The following PARP8 variants were observed in gnomAD, a reference collection of about 807,000 sequenced individuals.
PARP8 encodes the protein poly(ADP-ribose) polymerase family member 8.
PARP8 carries 51 observed loss-of-function variants against 124.1 expected under a neutral mutation model. That is an observed-to-expected ratio of 0.41 (90% CI 0.33 to 0.52). The LOEUF (loss-of-function observed/expected upper bound fraction) is 0.52, where lower values mean the gene tolerates loss of function less well. Among genes scored for constraint, PARP8 ranks in the 20% least tolerant of loss-of-function variants. The pLI is 0.21. For missense variants in PARP8, 860 were observed against 1,018.9 expected (o/e 0.84, Z 2.12); for synonymous variants, 391 against 361.5 (o/e 1.08, Z -0.93).
rs542757790 is a variant in PARP8, at chr5:50,823,525, A to G, written c.1860+1125A>G. 3.3e-5 allele frequency among the ~76,000 whole-genome samples: 5 copies of G among 152,314 alleles called. No individual in the cohort carries two copies. The South Asian group carries it at 1.0e-3, about 32-fold the overall frequency. On this transcript the variant is annotated intron_variant, in intron 17 of 25. Coordinates refer to ENST00000281631, the MANE Select transcript of PARP8 (RefSeq NM_024615.4). ...CTGTATTATCTGAATTCTTTCTCAG[A>G]CAAGCACTCCTTATTTGTATAGGGA...
At chr5:50,795,531 G>GT (rs1006321710) in intron 12 of PARP8, 114 bp downstream of exon 12, 5 of 842,958 alleles carry the variant, frequency 5.9e-6, no homozygotes, top group East Asian at 5.9e-5. Flanking sequence ...TTAATTTACT[G>GT]TTTTTTTAAA....
intron 2 of PARP8, among the ~76,000 whole-genome samples, chr5:50,714,302 G>A (rs1005295989): frequency 1.3e-4 from 20 of 151,876 alleles, no homozygotes; most frequent in African/African-American, 4.6e-4. Flanking sequence ...CTAGGAAGAA[G>A]GGATAGGAAA....
At chr5:50,787,350 C>T (rs891988614) in intron 9 of PARP8, among the ~76,000 whole-genome samples, 1 of 152,078 alleles carries the variant, frequency 6.6e-6, no homozygotes. Flanking sequence ...GTTCAGTCCT[C>T]TCCCTACACT....
intron 25 of PARP8, among the ~76,000 whole-genome samples, chr5:50,838,128 A>C (rs1050450639): frequency 2.0e-5 from 3 of 152,128 alleles, no homozygotes; most frequent in Non-Finnish European, 4.4e-5. Flanking sequence ...TAATACCTCA[A>C]AATCAATATA....
At chr5:50,792,156 A>T (rs1339717687) in intron 10 of PARP8, among the ~76,000 whole-genome samples, 3 of 152,106 alleles carry the variant, frequency 2.0e-5, no homozygotes, top group Non-Finnish European at 4.4e-5. Flanking sequence ...CCCTACCATC[A>T]GCCAATCACT....
chr5:50,770,623 AGG>A (rs1561355114), intron 7 of PARP8, among the ~76,000 whole-genome samples: 46 of 151,640 alleles, frequency 3.0e-4, no homozygotes, highest in South Asian at 2.1e-3. Context: ...GAAGGAAGGA[AGG>A]AGGGAGGGAG....
intron 2 of PARP8, among the ~76,000 whole-genome samples, chr5:50,702,092 A>G (rs866957782): frequency 6.6e-6 from 1 of 152,090 alleles, no homozygotes; most frequent in Non-Finnish European, 1.5e-5. Flanking sequence ...ATGTATTCCT[A>G]TTTACTTGTA....
At chr5:50,743,580 T>A (rs1287529582) in intron 2 of PARP8, among the ~76,000 whole-genome samples, 1 of 151,968 alleles carries the variant, frequency 6.6e-6, no homozygotes, top group Non-Finnish European at 1.5e-5. Flanking sequence ...CTCCAGTGTG[T>A]CTGGGGGTGA....
intron 2 of PARP8, among the ~76,000 whole-genome samples, chr5:50,701,969 T>A (rs1325708056): frequency 2.0e-5 from 3 of 152,186 alleles, no homozygotes; most frequent in African/African-American, 7.2e-5. Context: ...GGAGTTATAA[T>A]CATTTTAGCT....
At chr5:50,669,083 G>T (rs1325267084) in intron 2 of PARP8, 1 of 152,138 alleles carries the variant, frequency 6.6e-6, no homozygotes, top group Non-Finnish European at 1.5e-5. Flanking sequence ...TTAAAAACAC[G>T]TAGGATCTGT....
At chr5:50,741,021 G>A (rs6866312) in intron 2 of PARP8, among the ~76,000 whole-genome samples, 117 of 152,062 alleles carry the variant, frequency 7.7e-4, no homozygotes, top group African/African-American at 2.5e-3. Context: ...TAGTTTTTCC[G>A]TCTTGGTATG....
At chr5:50,681,373 G>A (rs539068746) in intron 2 of PARP8, among the ~76,000 whole-genome samples, 2 of 152,114 alleles carry the variant, frequency 1.3e-5, no homozygotes, top group South Asian at 4.2e-4. Flanking sequence ...ATCCATTCTG[G>A]AAGGTTCCTT....
At chr5:50,676,933 AG>A (rs1419950778) in intron 2 of PARP8, among the ~76,000 whole-genome samples, 1 of 152,212 alleles carries the variant, frequency 6.6e-6, no homozygotes, top group Non-Finnish European at 1.5e-5. Flanking sequence ...TGAAGAGTGA[AG>A]TCCCTGCTTT....
In PARP8 at chr5:50,679,964, CTT is replaced by C. The variant is rs553773864; in HGVS notation, c.146+11841_146+11842del. ...GTCAAATTGTCCTAAGGAAATCTCT[CTT>C]TGTCTCCATGTAAAACATATAGAGA... On this transcript the variant is annotated intron_variant, in intron 2 of 25. Coordinates refer to ENST00000281631, the MANE Select transcript of PARP8 (RefSeq NM_024615.4). 5.8e-3 allele frequency among the ~76,000 whole-genome samples: 887 copies of C among 152,290 alleles called. 8 individuals are homozygous for C. Among genetic ancestry groups the C allele is most frequent in the Admixed American group, 9.6e-3 (147 of 15,290 alleles).
chr5:50,682,005 C>G (rs1751348061), intron 2 of PARP8, among the ~76,000 whole-genome samples: 1 of 152,008 alleles, frequency 6.6e-6, no homozygotes, highest in Non-Finnish European at 1.5e-5. Context: ...GGTTTAAAAC[C>G]TTTTTGTTTG....
At chr5:50,692,052 T>A (rs1196608473) in intron 2 of PARP8, among the ~76,000 whole-genome samples, 1 of 152,186 alleles carries the variant, frequency 6.6e-6, no homozygotes, top group Non-Finnish European at 1.5e-5. Context: ...AAAAGCCTTT[T>A]CCAGATTAGT....
At chr5:50,700,597 C>T (rs563028330) in intron 2 of PARP8, among the ~76,000 whole-genome samples, 4 of 152,148 alleles carry the variant, frequency 2.6e-5, no homozygotes, top group Non-Finnish European at 5.9e-5. Flanking sequence ...AGGAAATAAA[C>T]ATACTGTGAT....
At position 50,832,837 on chromosome 5, in the gene PARP8, A is replaced by G; in HGVS notation, c.2290A>G (p.Ser764Gly). ...AKDEPASSSK[S>G]SNTSQSQKKG... Reference sequence around the variant, plus strand: ...GGACGAGCCAGCTTCAAGCAGTAAAAGCAGCAATACATCACAGGTGTTGTA... The same window carrying G: ...GGACGAGCCAGCTTCAAGCAGTAAAGGCAGCAATACATCACAGGTGTTGTA... Residue 764 changes from serine (S) to glycine (G), a missense_variant, in exon 23 of 26, where the codon AGC becomes GGC. Physicochemically the swap from Ser to Gly is moderately conservative, Grantham distance 56. This residue lies in a region of PARP8 where 343 missense variants were observed against 474.7 expected (regional missense o/e 0.72). Coordinates refer to ENST00000281631, the MANE Select transcript of PARP8 (RefSeq NM_024615.4). 6.2e-7 allele frequency: 1 copy of G among 1,613,454 alleles called. No homozygotes were observed. The highest frequency in any genetic ancestry group is 2.2e-5 in the East Asian group (1 of 44,840).
At chr5:50,783,680 GA>G (rs1339794551) in intron 9 of PARP8, among the ~76,000 whole-genome samples, 1 of 152,072 alleles carries the variant, frequency 6.6e-6, no homozygotes, top group Non-Finnish European at 1.5e-5. Flanking sequence ...TTATTTTATG[GA>G]CTTTATGACA....
Sources: gnomAD v4.1 joint callset for allele counts (sites outside exome capture counted in the v4.1 genomes callset) on GRCh38, gnomAD v4.1.1 for gene constraint, gnomAD v4.1.1 regional missense constraint, MANE v1.5 for transcripts, NCBI Gene and HGNC (gene_info 2026-07-23, HGNC 2026-07-21) for gene names.